The following ANKRD34C variants were observed in gnomAD, a reference collection of about 807,000 sequenced individuals.
ANKRD34C encodes the protein ankyrin repeat domain-containing protein 34C.
For synonymous variants in ANKRD34C, 260 were observed against 253.6 expected (o/e 1.03, Z -0.24); for missense variants, 563 against 653.0 (o/e 0.86, Z 1.50).
intron 1 of ANKRD34C, among the ~76,000 whole-genome samples, 159 bp from the exon 2 acceptor site, chr15:79,293,082 C>T (rs2058663646): frequency 6.6e-6 from 1 of 152,174 alleles, no homozygotes; most frequent in Admixed American, 6.6e-5. Context: ...CACACTATTA[C>T]AGATGCAGAA....
At position 79,294,552 on chromosome 15, in the gene ANKRD34C, TG is replaced by T; in HGVS notation, c.1270del (p.Asp424ThrfsTer19). On this transcript the variant is annotated frameshift_variant, in exon 2 of 2. Transcript: ENST00000421388. LOFTEE classifies it low-confidence loss of function (END_TRUNC). ...LSLFHGSRES[L>X]DTVPSTSPSS... ...CTTTTCCATGGCTCTCGGGAGTCCC[TG>T]GACACTGTACCTAGCACATCCCCCA... The T allele has an allele frequency of 6.4e-7, 1 of 1,551,706 alleles. No homozygotes were observed. Among genetic ancestry groups the T allele is most frequent in the Non-Finnish European group, 8.7e-7 (1 of 1,146,970 alleles).
At chr15:79,289,501 AAGG>A (rs1388953116) in intron 1 of ANKRD34C, among the ~76,000 whole-genome samples, 1 of 152,150 alleles carries the variant, frequency 6.6e-6, no homozygotes, top group Non-Finnish European at 1.5e-5. Context: ...TTCCAACTGA[AAGG>A]AGAGAAGGAT....
At chr15:79,284,765 T>C (rs2058638724) in intron 1 of ANKRD34C, among the ~76,000 whole-genome samples, 1 of 152,214 alleles carries the variant, frequency 6.6e-6, no homozygotes, top group South Asian at 2.1e-4. Flanking sequence ...CTGGGGTTAT[T>C]CTACTTGTTT....
In ANKRD34C at chr15:79,294,730, A is replaced by G. The variant is rs1406956940; in HGVS notation, c.1446A>G (p.Lys482=). The part of the protein sequence containing the change: ...PPIPDIRSSS[K]PSCSLASGLK... ...TTCCAGATATTAGATCTAGCAGCAA[A>G]CCTTCTTGCTCTCTTGCTAGTGGCT... The change falls in exon 2 of 2, where the codon AAA becomes AAG. Residue 482 remains lysine, a synonymous_variant. Coordinates refer to ENST00000421388, the MANE Select transcript of ANKRD34C (RefSeq NM_001146341.2). The G allele has an allele frequency of 1.3e-6, 2 of 1,551,708 alleles. No homozygotes were observed.
chr15:79,287,937 G>T (rs1481710587), intron 1 of ANKRD34C, among the ~76,000 whole-genome samples: 2 of 152,178 alleles, frequency 1.3e-5, no homozygotes, highest in Non-Finnish European at 1.5e-5. Context: ...ATCCACCCAA[G>T]GTTGAGTCAG....
At chr15:79,283,938 C>T (rs1327271479) in intron 1 of ANKRD34C, 1 of 152,238 alleles carries the variant, frequency 6.6e-6, no homozygotes, top group East Asian at 1.9e-4. Context: ...GATTTCTGAT[C>T]TGCTTCTAAC....
intron 1 of ANKRD34C, among the ~76,000 whole-genome samples, chr15:79,292,104 T>C (rs2058661401): frequency 1.3e-5 from 2 of 152,156 alleles, no homozygotes; most frequent in African/African-American, 4.8e-5. Flanking sequence ...GAAAGAATGA[T>C]GTGAATCAGA....
At position 79,297,271 on chromosome 15, in the gene ANKRD34C, A is replaced by G. The variant is rs1473699608; in HGVS notation, c.*2379A>G. On this transcript the variant is annotated 3_prime_UTR_variant, in exon 2 of 2. Transcript: ENST00000421388. ...ATTAAATGCAAATACACACACGCAA[A>G]GAGAGAGAGAGAACACATTTTACAT... 4 of 166,692 alleles carry G rather than the reference A, an allele frequency of 2.4e-5. No individual in the cohort carries two copies. The highest frequency in any genetic ancestry group is 5.9e-5 in the Non-Finnish European group (4 of 68,090). The allele number at this position is 166,692 out of a possible 1,614,324, so 10.3% of individuals were successfully genotyped here.
At position 79,297,725 on chromosome 15, in the gene ANKRD34C, T is replaced by A. The variant is rs919351569; in HGVS notation, c.*2833T>A. On this transcript the variant is annotated 3_prime_UTR_variant, in exon 2 of 2. Transcript: ENST00000421388. ...ATAGATTATGCATAAATACGCAATTTTGTCCATGTCAATGAACCTAACAAG... is the reference window on the plus strand; with the variant it reads ...ATAGATTATGCATAAATACGCAATTATGTCCATGTCAATGAACCTAACAAG... 37 of 167,188 alleles carry A rather than the reference T, an allele frequency of 2.2e-4. No individual in the cohort carries two copies. The highest frequency in any genetic ancestry group is 7.5e-4 in the African/African-American group (31 of 41,588). 10.4% of individuals were successfully genotyped at this position (167,188 alleles called of 1,614,324 possible).
At chr15:79,288,812 CTTTTTTTT>C (rs60075615) in intron 1 of ANKRD34C, among the ~76,000 whole-genome samples, 50 of 55,566 alleles carry the variant, frequency 9.0e-4, no homozygotes, top group East Asian at 5.0e-3. Context: ...GCCCAGTATT[CTTTTTTTT>C]TTTTTTTTTT....
chr15:79,287,412 A>T (rs2058648251), intron 1 of ANKRD34C, among the ~76,000 whole-genome samples: 1 of 152,246 alleles, frequency 6.6e-6, no homozygotes, highest in Non-Finnish European at 1.5e-5. Flanking sequence ...ATAAATGTTT[A>T]TTACTATCAT....
intron 1 of ANKRD34C, among the ~76,000 whole-genome samples, chr15:79,288,964 G>T (rs1441625220): frequency 6.6e-6 from 1 of 151,976 alleles, no homozygotes; most frequent in African/African-American, 2.4e-5. Flanking sequence ...GGGACTGCAA[G>T]CGTGTGCCAC....
chr15:79,290,900 C>G (rs1306529520), intron 1 of ANKRD34C, among the ~76,000 whole-genome samples: 1 of 152,154 alleles, frequency 6.6e-6, no homozygotes, highest in African/African-American at 2.4e-5. Context: ...GTCTGCACGC[C>G]TCTTGGTATT....
Position 79,297,399 on chromosome 15 carries a change from CT to C in ANKRD34C, c.*2510del, listed in dbSNP as rs1567017494. On this transcript the variant is annotated 3_prime_UTR_variant, in exon 2 of 2. Coordinates refer to ENST00000421388, the MANE Select transcript of ANKRD34C (RefSeq NM_001146341.2). The stretch of plus-strand genomic sequence containing the variant: ...GCATAGGAGCATTTTTTTTCTAAAC[CT>C]TTAGCTAAGATTTGGAAACCCAATA... 6.0e-6 allele frequency: 1 copy of C among 166,936 alleles called. No individual in the cohort carries two copies. Among genetic ancestry groups the C allele is most frequent in the African/African-American group, 2.4e-5 (1 of 41,384 alleles). 10.3% of individuals were successfully genotyped at this position (166,936 alleles called of 1,614,324 possible). A position where few individuals can be genotyped will look rare whatever the true frequency, so the allele number is the denominator to read the frequency against.
chr15:79,293,995 T>A lies in ANKRD34C; in HGVS notation c.711T>A (p.Ser237Arg). ...CTGGGTCACCCACCAGGAAAGTCAG[T>A]AATCTCAAAAGGGCCCGTTTGCCTC... is the stretch of plus-strand genomic sequence containing the variant. Reference protein sequence around the residue: ...NEPGSPTRKVSNLKRARLPQL... With the variant: ...NEPGSPTRKVRNLKRARLPQL... The change falls in exon 2 of 2, where the codon AGT (serine) becomes AGA (arginine). Residue 237 changes from serine to arginine, a missense_variant. Physicochemically the swap from Ser to Arg is moderately radical, Grantham distance 110 (BLOSUM62 -1). Coordinates refer to ENST00000421388, the MANE Select transcript of ANKRD34C (RefSeq NM_001146341.2). 6.4e-7 allele frequency: 1 copy of A among 1,551,642 alleles called. No homozygotes were observed. The highest frequency in any genetic ancestry group is 8.7e-7 in the Non-Finnish European group (1 of 1,146,990).
In ANKRD34C at chr15:79,294,290, G is replaced by A. The variant is rs773858663; in HGVS notation, c.1006G>A (p.Gly336Ser). 3.9e-6 allele frequency: 6 copies of A among 1,551,576 alleles called. No individual in the cohort carries two copies. In the African/African-American group the frequency reaches 5.5e-5, roughly 14 times the overall value. The change falls in exon 2 of 2, where the codon GGT becomes AGT. Residue 336 changes from glycine (G) to serine (S), a missense_variant. Gly to Ser is a moderately conservative substitution (Grantham distance 56). Transcript: ENST00000421388. ...PASWKAAYEK[G>S]QAPHPRLARR... ...ATCCTGGAAAGCAGCCTATGAGAAAGGTCAGGCTCCCCACCCACGTCTGGC... is the reference window on the plus strand; with the variant it reads ...ATCCTGGAAAGCAGCCTATGAGAAAAGTCAGGCTCCCCACCCACGTCTGGC...
chr15:79,293,761 A>G lies in ANKRD34C; in HGVS notation c.477A>G (p.Ser159=), dbSNP rs565005422. 2.7e-5 allele frequency: 42 copies of G among 1,551,644 alleles called. No individual in the cohort carries two copies. The highest frequency in any genetic ancestry group is 3.1e-5 in the Non-Finnish European group (36 of 1,147,014). ...VIIITTDKSS[S]GTKTTKQYLN... ...TTATAACAACAGATAAATCGTCTTC[A>G]GGCACCAAAACCACCAAACAGTATC... Residue 159 remains serine, a synonymous_variant, in exon 2 of 2, where the codon TCA becomes TCG. Transcript: ENST00000421388.
At chr15:79,290,719 A>G (rs1271562188) in intron 1 of ANKRD34C, among the ~76,000 whole-genome samples, 1 of 152,220 alleles carries the variant, frequency 6.6e-6, no homozygotes, top group Admixed American at 6.5e-5. Flanking sequence ...GCTGAAAGCG[A>G]GACACAAGGC....
In ANKRD34C at chr15:79,293,705, G is replaced by A; in HGVS notation, c.421G>A (p.Ala141Thr). The change falls in exon 2 of 2, where the codon GCC becomes ACC. Residue 141 changes from alanine (A) to threonine (T), a missense_variant. Coordinates refer to ENST00000421388, the MANE Select transcript of ANKRD34C (RefSeq NM_001146341.2). ...DKDALKHLLD[A>T]CKAKGKEVII... ...GGATGCATTGAAGCATCTCCTTGATGCCTGCAAAGCCAAAGGGAAGGAGGT... is the reference window on the plus strand; with the variant it reads ...GGATGCATTGAAGCATCTCCTTGATACCTGCAAAGCCAAAGGGAAGGAGGT... 1 of 1,551,694 alleles carries A rather than the reference G, an allele frequency of 6.4e-7. No homozygotes were observed. The highest frequency in any genetic ancestry group is 1.4e-5 in the African/African-American group (1 of 73,168).
Sources: gnomAD v4.1 joint callset for allele counts (sites outside exome capture counted in the v4.1 genomes callset) on GRCh38, gnomAD v4.1.1 for gene constraint, MANE v1.5 for transcripts, NCBI Gene and HGNC (gene_info 2026-07-23, HGNC 2026-07-21) for gene names.